The following MCC variants were observed in gnomAD, a reference collection of about 807,000 sequenced individuals.
MCC encodes colorectal mutant cancer protein.
Under a neutral mutation model 116.2 loss-of-function variants are expected in MCC, and 90 were observed. The ratio of observed to expected loss-of-function variants is 0.77; its 90% CI spans 0.65 to 0.92. The LOEUF (loss-of-function observed/expected upper bound fraction) is 0.92. Ranked by LOEUF, MCC falls within the 40% of genes least tolerant of loss-of-function variation. The pLI, the probability that MCC is intolerant of heterozygous loss-of-function variation, is 0.00. For missense variants in MCC, 1,516 were observed against 1,312.2 expected (o/e 1.16, Z -2.40); for synonymous variants, 578 against 510.5 (o/e 1.13, Z -1.78).
At chr5:113,348,911 G>C (rs1192354749) in intron 2 of MCC, among the ~76,000 whole-genome samples, 2 of 151,930 alleles carry the variant, frequency 1.3e-5, no homozygotes, top group Admixed American at 6.6e-5. Flanking sequence ...AGGGTCATTA[G>C]GTGGCTACTA....
intron 2 of MCC, among the ~76,000 whole-genome samples, chr5:113,353,693 G>A (rs1476587836): frequency 6.6e-6 from 1 of 152,158 alleles, no homozygotes; most frequent in Non-Finnish European, 1.5e-5. Flanking sequence ...TCTACACATG[G>A]TTAGGCTCCC....
rs779560712 is a variant in MCC, at chr5:113,101,802, T to C, written c.1335A>G (p.Glu445=). 2.5e-6 allele frequency: 4 copies of C among 1,613,380 alleles called. No homozygotes were observed. The highest frequency in any genetic ancestry group is 2.7e-5 in the African/African-American group (2 of 74,976). Reference sequence around the variant, plus strand: ...TCATGGTGGCCTTAGTCCGGTTCAGTTCTTCCTCTTTGCTGCACAGCATGG... The same window carrying C: ...TCATGGTGGCCTTAGTCCGGTTCAGCTCTTCCTCTTTGCTGCACAGCATGG... The part of the protein sequence containing the change: ...LTAMLCSKEE[E]LNRTKATMNA... The change falls in exon 8 of 19, where the codon GAA becomes GAG. Residue 445 remains glutamate (E), a synonymous_variant. Coordinates refer to ENST00000408903, the MANE Select transcript of MCC (RefSeq NM_001085377.2).
At chr5:113,181,578 A>G (rs1379655149) in intron 3 of MCC, among the ~76,000 whole-genome samples, 4 of 152,234 alleles carry the variant, frequency 2.6e-5, no homozygotes, top group Non-Finnish European at 4.4e-5. Context: ...ACCTGCTGTC[A>G]GAAAAGTGGG....
chr5:113,241,561 T>C (rs543455785), intron 3 of MCC, among the ~76,000 whole-genome samples: 15 of 152,316 alleles, frequency 9.8e-5, no homozygotes, highest in Non-Finnish European at 2.1e-4. Flanking sequence ...TAGAGAGAGA[T>C]TGGACCTCCA....
intron 3 of MCC, among the ~76,000 whole-genome samples, chr5:113,290,041 T>C (rs1053948252): frequency 2.2e-4 from 33 of 152,216 alleles, no homozygotes; most frequent in Admixed American, 6.5e-4. Flanking sequence ...AATTTGATGA[T>C]GAACAGCACA....
intron 8 of MCC, among the ~76,000 whole-genome samples, chr5:113,085,603 C>G (rs537940067): frequency 2.0e-5 from 3 of 152,294 alleles, no homozygotes; most frequent in South Asian, 2.1e-4. Flanking sequence ...TTAACGGAAT[C>G]TGCCACAGAC....
chr5:113,283,771 TA>T (rs1766143613), intron 3 of MCC, among the ~76,000 whole-genome samples: 1 of 152,182 alleles, frequency 6.6e-6, no homozygotes, highest in Non-Finnish European at 1.5e-5. Flanking sequence ...AAGCTAAAAA[TA>T]AATTCTTATT....
At chr5:113,150,273 C>T (rs1186606543) in intron 4 of MCC, among the ~76,000 whole-genome samples, 1 of 152,156 alleles carries the variant, frequency 6.6e-6, no homozygotes, top group African/African-American at 2.4e-5. Flanking sequence ...CCATTTTAAA[C>T]CCTGCCTCCT....
At position 113,083,010 on chromosome 5, in the gene MCC, T is replaced by G. The variant is rs755103972; in HGVS notation, c.1636-2A>C. The G allele has an allele frequency of 6.2e-7, 1 of 1,607,540 alleles. No individual in the cohort carries two copies. The highest frequency in any genetic ancestry group is 1.7e-5 in the Admixed American group (1 of 58,146). Reference sequence around the variant, plus strand: ...GTGTTCAGCCACACTGCTGGATACCTGCAAAAAGAAGCATTAATTCCCCTT... The same window carrying G: ...GTGTTCAGCCACACTGCTGGATACCGGCAAAAAGAAGCATTAATTCCCCTT... On this transcript the variant is annotated splice_acceptor_variant, in intron 10 of 18. Coordinates refer to ENST00000408903, the MANE Select transcript of MCC (RefSeq NM_001085377.2). LOFTEE classifies it high-confidence loss of function.
In MCC at chr5:113,188,743, T is replaced by C. The variant is rs757727171; in HGVS notation, c.628-37321A>G. ...CTGTTGATTCTTCTCATCTTACAAG[T>C]GTGATATAACTGAGTCTCAGAGGAA... On this transcript the variant is annotated intron_variant, in intron 3 of 18. Transcript: ENST00000408903. Among the ~76,000 whole-genome samples the C allele has an allele frequency of 2.6e-5, 4 of 152,084 alleles. No homozygotes were observed. The South Asian group carries it at 8.3e-4, about 31-fold the overall frequency.
rs143798498 is a variant in MCC at position 113,261,289 on chromosome 5, G to C, written c.627+79230C>G. The stretch of plus-strand genomic sequence containing the variant: ...ATGTTATTTACTGAATACTGTATTA[G>C]AAGTGAAAAACAGAATAGCTAAATG... On this transcript the variant is annotated intron_variant, in intron 3 of 18. Coordinates refer to ENST00000408903, the MANE Select transcript of MCC (RefSeq NM_001085377.2). 6.2e-3 allele frequency among the ~76,000 whole-genome samples: 951 copies of C among 152,210 alleles called. 4 individuals carry two copies. The highest frequency in any genetic ancestry group is 0.017 in the Middle Eastern group (5 of 294).
intron 3 of MCC, among the ~76,000 whole-genome samples, chr5:113,157,698 G>A (rs946729234): frequency 2.0e-5 from 3 of 152,206 alleles, no homozygotes; most frequent in Non-Finnish European, 2.9e-5. Context: ...ACTGAGTAAT[G>A]ACAGGAGTTA....
At chr5:113,134,651 G>A (rs1758696455) in intron 5 of MCC, among the ~76,000 whole-genome samples, 1 of 144,890 alleles carries the variant, frequency 6.9e-6, no homozygotes. Context: ...ATTTTGATAG[G>A]GATTACATTG....
At chr5:113,080,815 C>CA (rs1236332931) in intron 11 of MCC, among the ~76,000 whole-genome samples, 11,160 of 110,496 alleles carry the variant, frequency 0.1, 476 homozygotes, top group Admixed American at 0.15. Flanking sequence ...ACAACAACAA[C>CA]AAAAAAAAAA....
chr5:113,344,687 A>G (rs996601747), intron 2 of MCC, among the ~76,000 whole-genome samples: 3 of 152,000 alleles, frequency 2.0e-5, no homozygotes, highest in East Asian at 1.9e-4. Context: ...ACCCTGGGCC[A>G]GAAAGGAACC....
At chr5:113,417,539 C>A (rs1442562012) in intron 1 of MCC, among the ~76,000 whole-genome samples, 1 of 115,630 alleles carries the variant, frequency 8.6e-6, no homozygotes, top group Admixed American at 7.3e-5. Flanking sequence ...AAGCCACAAC[C>A]ATGACAAACT....
intron 3 of MCC, chr5:113,204,438 C>T (rs564879488): frequency 1.3e-5 from 2 of 152,148 alleles, no homozygotes; most frequent in South Asian, 4.2e-4. Flanking sequence ...AAAACATGCA[C>T]CAAATTCTAA....
intron 3 of MCC, 66 bp from the exon 4 acceptor site, chr5:113,151,488 C>A: frequency 1.2e-6 from 1 of 824,324 alleles, no homozygotes; most frequent in South Asian, 1.6e-5. Context: ...CCTTCATTCC[C>A]GCAACTAGTA....
At chr5:113,053,701 A>C in intron 15 of MCC, 24 bp downstream of exon 15, 3 of 1,561,558 alleles carry the variant, frequency 1.9e-6, no homozygotes, top group Non-Finnish European at 2.6e-6. Context: ...GCAGCCTAGC[A>C]CATGGGACCC....
Sources: allele counts gnomAD v4.1 joint callset (sites outside exome capture counted in the v4.1 genomes callset), GRCh38; gene constraint gnomAD v4.1.1; transcripts MANE v1.5; gene names NCBI Gene and HGNC (gene_info 2026-07-23, HGNC 2026-07-21).